The following LTV1 variants were observed in gnomAD, a reference collection of about 807,000 sequenced individuals.
LTV1 encodes the protein LTV1 ribosome biogenesis factor.
LTV1 carries 39 observed loss-of-function variants against 59.9 expected under a neutral mutation model. That is an observed-to-expected ratio of 0.65 (90% CI 0.50 to 0.85). The LOEUF is 0.85. Ranked by LOEUF, LTV1 falls within the 40% of genes least tolerant of loss-of-function variation. The probability of loss-of-function intolerance (pLI) is 0.00; values close to 1 mark genes in which losing one functional copy is unlikely to be tolerated. For missense variants in LTV1, 493 were observed against 549.1 expected (o/e 0.90, Z 1.02); for synonymous variants, 171 against 189.5 (o/e 0.90, Z 0.80).
chr6:143,850,437 A>C (rs1309756757), intron 4 of LTV1, among the ~76,000 whole-genome samples: 1 of 152,192 alleles, frequency 6.6e-6, no homozygotes, highest in East Asian at 1.9e-4. Flanking sequence ...TTGGAGAGGA[A>C]AGTGGGGAAA....
intron 3 of LTV1, 55 bp from the exon 4 acceptor site, chr6:143,850,076 C>T: frequency 2.1e-6 from 3 of 1,396,894 alleles, no homozygotes; most frequent in Non-Finnish European, 3.0e-6. Flanking sequence ...ACCCGGTACA[C>T]TAGTTAAGAA....
intron 3 of LTV1, among the ~76,000 whole-genome samples, chr6:143,849,782 G>A (rs973196368): frequency 3.9e-5 from 6 of 152,122 alleles, no homozygotes; most frequent in Non-Finnish European, 7.4e-5. Context: ...CAGCAGGTTT[G>A]GTTTTTTTCT....
chr6:143,857,623 A>G lies in LTV1; in HGVS notation c.540-129A>G. On this transcript the variant is annotated intron_variant, in intron 5 of 10. Transcript: ENST00000367576. The surrounding 1 kb of genome is among the most constrained non-coding windows in gnomAD (Gnocchi z 5.2). ...TTTTCCTACCAAACCAGATTGATCA[A>G]ACACCCTCACTCTTCCTGCCTAGAC... 8.7e-7 allele frequency: 1 copy of G among 1,149,138 alleles called. No homozygotes were observed. 71.2% of individuals were successfully genotyped at this position (1,149,138 alleles called of 1,614,324 possible). A position where few individuals can be genotyped will look rare whatever the true frequency, so the allele number is the denominator to read the frequency against.
chr6:143,859,017 T>G (rs1439422902), intron 6 of LTV1, among the ~76,000 whole-genome samples: 1 of 152,158 alleles, frequency 6.6e-6, no homozygotes, highest in East Asian at 1.9e-4. Flanking sequence ...CGTTCTTATT[T>G]TCCCCCTTGA....
At chr6:143,860,066 G>C (rs1777137276) in intron 6 of LTV1, among the ~76,000 whole-genome samples, 1 of 152,106 alleles carries the variant, frequency 6.6e-6, no homozygotes, top group South Asian at 2.1e-4. Context: ...TCACGCCACT[G>C]TACTCCAGGC....
intron 6 of LTV1, 180 bp downstream of exon 6, chr6:143,858,187 G>A: frequency 3.2e-6 from 2 of 634,104 alleles, no homozygotes; most frequent in South Asian, 3.7e-5. Context: ...TATCAGTGCA[G>A]TACAGGAGCA....
rs1172936389 is a variant in LTV1 at position 143,863,602 on chromosome 6, G to C, written c.*75G>C. On this transcript the variant is annotated 3_prime_UTR_variant, in exon 11 of 11. Transcript: ENST00000367576. This position sits in a 1 kb window ranked among gnomAD's most constrained non-coding sequence, Gnocchi z 4.5. ...GGTTATTGACTAGAAACTTCAGAAA[G>C]ACAAAACTGTTTGCCATTTTTACTG... is the stretch of plus-strand genomic sequence containing the variant. 7 of 951,292 alleles carry C rather than the reference G, an allele frequency of 7.4e-6. No individual in the cohort carries two copies. The highest frequency in any genetic ancestry group is 1.1e-5 in the Non-Finnish European group (7 of 637,766). The allele number at this position is 951,292 out of a possible 1,614,324, so 58.9% of individuals were successfully genotyped here.
chr6:143,845,753 G>C (rs1470097426), intron 2 of LTV1, among the ~76,000 whole-genome samples: 2 of 152,182 alleles, frequency 1.3e-5, no homozygotes, highest in Admixed American at 6.5e-5. Flanking sequence ...TCAAAATGTT[G>C]CACAGAAATG....
Position 143,862,812 on chromosome 6 carries a change from T to C in LTV1, c.1064-32T>C. The C allele has an allele frequency of 7.5e-7, 1 of 1,341,378 alleles. No homozygotes were observed. The highest frequency in any genetic ancestry group is 1.1e-6 in the Non-Finnish European group (1 of 932,026). 83.1% of individuals were successfully genotyped at this position (1,341,378 alleles called of 1,614,324 possible). A position where few individuals can be genotyped will look rare whatever the true frequency, so the allele number is the denominator to read the frequency against. ...TGCTTTGTGGAACTGAAAACATGCT[T>C]ACTGATACATGACTTTTATTTGTTT... On this transcript the variant is annotated intron_variant, in intron 8 of 10. Coordinates refer to ENST00000367576, the MANE Select transcript of LTV1 (RefSeq NM_032860.5). The surrounding 1 kb of genome is among the most constrained non-coding windows in gnomAD (Gnocchi z 4.2).
Position 143,863,564 on chromosome 6 carries a change from G to A in LTV1, c.*37G>A, listed in dbSNP as rs767728443. 1.5e-6 allele frequency: 2 copies of A among 1,359,862 alleles called. No homozygotes were observed. Among genetic ancestry groups the A allele is most frequent in the East Asian group, 2.3e-5 (1 of 43,036 alleles). 84.2% of individuals were successfully genotyped at this position (1,359,862 alleles called of 1,614,324 possible). On this transcript the variant is annotated 3_prime_UTR_variant, in exon 11 of 11. Coordinates refer to ENST00000367576, the MANE Select transcript of LTV1 (RefSeq NM_032860.5). This position sits in a 1 kb window ranked among gnomAD's most constrained non-coding sequence, Gnocchi z 4.5. ...TACAGGGCAAGGCACTTTATTAGGGGCTCCTCATCTTTGGTTATTGACTAG... is the reference window on the plus strand; with the variant it reads ...TACAGGGCAAGGCACTTTATTAGGGACTCCTCATCTTTGGTTATTGACTAG...
chr6:143,845,186 G>A (rs1776871635), intron 2 of LTV1, among the ~76,000 whole-genome samples: 1 of 152,000 alleles, frequency 6.6e-6, no homozygotes, highest in South Asian at 2.1e-4. Context: ...AGGGAGCCTG[G>A]TAAAGATTGA....
Position 143,862,734 on chromosome 6 carries a change from G to A in LTV1, c.1064-110G>A, listed in dbSNP as rs1297239017. The A allele has an allele frequency of 2.8e-6, 2 of 718,834 alleles. No individual in the cohort carries two copies. Among genetic ancestry groups the A allele is most frequent in the Non-Finnish European group, 2.5e-6 (1 of 396,052 alleles). 44.5% of individuals were successfully genotyped at this position (718,834 alleles called of 1,614,324 possible). A position where few individuals can be genotyped will look rare whatever the true frequency, so the allele number is the denominator to read the frequency against. On this transcript the variant is annotated intron_variant, in intron 8 of 10. Transcript: ENST00000367576. This position sits in a 1 kb window ranked among gnomAD's most constrained non-coding sequence, Gnocchi z 4.2. ...TAAAACATTGATCAGAGACTCCAGT[G>A]TTATTTTGCACTATGAAAACACAAG...
In LTV1 at chr6:143,850,263, G is replaced by T. The variant is rs1218459549; in HGVS notation, c.397+45G>T. ...CTTTTCATATGGATAAATGTATTTTGCAAAACATAAAGAAATGATGTAGGA... is the reference window on the plus strand; with the variant it reads ...CTTTTCATATGGATAAATGTATTTTTCAAAACATAAAGAAATGATGTAGGA... On this transcript the variant is annotated intron_variant, in intron 4 of 10. Coordinates refer to ENST00000367576, the MANE Select transcript of LTV1 (RefSeq NM_032860.5). The T allele has an allele frequency of 2.7e-6, 4 of 1,457,316 alleles. No homozygotes were observed. In the Admixed American group the frequency reaches 7.1e-5, roughly 26 times the overall value. The allele number at this position is 1,457,316 out of a possible 1,614,324, so 90.3% of individuals were successfully genotyped here.
intron 2 of LTV1, among the ~76,000 whole-genome samples, chr6:143,845,305 C>T (rs1776873232): frequency 6.6e-6 from 1 of 151,992 alleles, no homozygotes; most frequent in South Asian, 2.1e-4. Flanking sequence ...GGACATGGGC[C>T]ACGTTTAGCT....
rs1263193239 is a variant in LTV1 at position 143,855,120 on chromosome 6, C to T, written c.398-2183C>T. On this transcript the variant is annotated intron_variant, in intron 4 of 10. Coordinates refer to ENST00000367576, the MANE Select transcript of LTV1 (RefSeq NM_032860.5). The surrounding 1 kb of genome is among the most constrained non-coding windows in gnomAD (Gnocchi z 4.6). ...GTCTCTTAGAACTTGCTTTATGAAT[C>T]TGGGTGCTCCTGTATTAGGTGCATA... 1.3e-5 allele frequency among the ~76,000 whole-genome samples: 2 copies of T among 152,162 alleles called. No individual in the cohort carries two copies. Among genetic ancestry groups the T allele is most frequent in the Admixed American group, 6.5e-5 (1 of 15,278 alleles).
chr6:143,851,844 T>A (rs1255954655), intron 4 of LTV1, among the ~76,000 whole-genome samples: 1 of 152,102 alleles, frequency 6.6e-6, no homozygotes, highest in African/African-American at 2.4e-5. Context: ...TGTTCCTGTG[T>A]TAGTTTGCTG....
chr6:143,843,399 G>C lies in LTV1; in HGVS notation c.-79G>C, dbSNP rs568911653. The C allele has an allele frequency of 1.9e-6, 3 of 1,590,530 alleles. No homozygotes were observed. The highest frequency in any genetic ancestry group is 2.7e-5 in the African/African-American group (2 of 74,632). ...GTGAGGCCTACAGAAGCGGCCTTCA[G>C]CTGGACCTTGGTCTCCCCGCCGGAC... On this transcript the variant is annotated 5_prime_UTR_variant, in exon 1 of 11. Transcript: ENST00000367576.
At position 143,860,430 on chromosome 6, in the gene LTV1, A is replaced by G. The variant is rs1197813887; in HGVS notation, c.800A>G (p.Tyr267Cys). Residue 267 changes from tyrosine (Y) to cysteine (C), a missense_variant, in exon 7 of 11, where the codon TAT (tyrosine) becomes TGT (cysteine). Tyr to Cys is a radical substitution (Grantham distance 194). Coordinates refer to ENST00000367576, the MANE Select transcript of LTV1 (RefSeq NM_032860.5). Reference protein sequence around the residue: ...TLHDERFEKFYEQYDDDEIGA... With the variant: ...TLHDERFEKFCEQYDDDEIGA... ...TTTTCTCTGTTTATATTCAAGTTTT[A>G]TGAGCAATATGATGATGATGAAATT... 1.2e-6 allele frequency: 2 copies of G among 1,612,698 alleles called. No individual in the cohort carries two copies. The highest frequency in any genetic ancestry group is 1.7e-6 in the Non-Finnish European group (2 of 1,179,470).
chr6:143,863,486 C>G lies in LTV1; in HGVS notation c.1387C>G (p.Leu463Val), dbSNP rs1027671342. ...GGAGAAAAGAAGGCAAGAAAAAGAG[C>G]TGCTGAACTTGAAGAAGAATGTTGA... ...KLEKRRQEKE[L>V]LNLKKNVEGL... Residue 463 changes from leucine to valine, a missense_variant, in exon 11 of 11, where the codon CTG (leucine) becomes GTG (valine). Coordinates refer to ENST00000367576, the MANE Select transcript of LTV1 (RefSeq NM_032860.5). The surrounding 1 kb of genome is among the most constrained non-coding windows in gnomAD (Gnocchi z 4.5). 6.2e-7 allele frequency: 1 copy of G among 1,613,714 alleles called. No individual in the cohort carries two copies. Among genetic ancestry groups the G allele is most frequent in the South Asian group, 1.1e-5 (1 of 91,064 alleles).
Sources: gnomAD v4.1 joint callset for allele counts (sites outside exome capture counted in the v4.1 genomes callset) on GRCh38, gnomAD v4.1.1 for gene constraint, Gnocchi (gnomAD v3.1) non-coding constraint, MANE v1.5 for transcripts, NCBI Gene and HGNC (gene_info 2026-07-23, HGNC 2026-07-21) for gene names.